The following VAPB variants were observed in gnomAD, a reference collection of about 807,000 sequenced individuals.
VAPB encodes VAMP associated protein B and C.
In VAPB, 7 loss-of-function variants were observed where a neutral mutation model predicts 25.6. The observed-to-expected ratio is 0.27, with a 90% CI of 0.16 to 0.51. The LOEUF (loss-of-function observed/expected upper bound fraction) is 0.51. Ranked by LOEUF, VAPB falls within the 20% of genes least tolerant of loss-of-function variation. The pLI is 0.97. For missense variants in VAPB, 266 were observed against 301.3 expected (o/e 0.88, Z 0.87); for synonymous variants, 112 against 109.2 (o/e 1.03, Z -0.16).
chr20:58,437,597 T>G (rs535858547), intron 3 of VAPB, among the ~76,000 whole-genome samples: 1 of 152,360 alleles, frequency 6.6e-6, no homozygotes, highest in South Asian at 2.1e-4. Flanking sequence ...GTCTTTCACC[T>G]GGTGCTTTTA....
intron 1 of VAPB, among the ~76,000 whole-genome samples, chr20:58,406,385 G>C (rs747122357): frequency 4.6e-5 from 7 of 152,202 alleles, no homozygotes; most frequent in Non-Finnish European, 8.8e-5. Context: ...AAGTCTCACA[G>C]CCTTTCCCCT....
intron 1 of VAPB, among the ~76,000 whole-genome samples, chr20:58,400,519 T>C (rs1327817460): frequency 2.0e-5 from 3 of 152,230 alleles, no homozygotes; most frequent in African/African-American, 7.2e-5. Context: ...GTACGAATTG[T>C]ATGTCACTTT....
At position 58,389,398 on chromosome 20, in the gene VAPB, G is replaced by A. The variant is rs1422260464; in HGVS notation, c.-62G>A. ...AACTTAAAGCGGGCGCAGCATTAACGCTTCCCGCCCCGGTGACCTCTCAGG... is the reference window on the plus strand; with the variant it reads ...AACTTAAAGCGGGCGCAGCATTAACACTTCCCGCCCCGGTGACCTCTCAGG... On this transcript the variant is annotated 5_prime_UTR_variant, in exon 1 of 6. Transcript: ENST00000475243. 1.3e-6 allele frequency: 2 copies of A among 1,510,184 alleles called. No individual in the cohort carries two copies. Among genetic ancestry groups the A allele is most frequent in the East Asian group, 2.5e-5 (1 of 39,704 alleles). The allele number at this position is 1,510,184 out of a possible 1,614,324, so 93.5% of individuals were successfully genotyped here.
rs146459055 is a variant in VAPB at position 58,439,019 on chromosome 20, T to G, written c.390T>G (p.Asp130Glu). 1,166 of 1,612,812 alleles carry G rather than the reference T, an allele frequency of 7.2e-4. 3 individuals carry two copies. Among genetic ancestry groups the G allele is most frequent in the Middle Eastern group, 4.3e-3 (26 of 6,060 alleles). The change falls in exon 4 of 6, where the codon GAT becomes GAG. Residue 130 changes from aspartate (D) to glutamate (E), a missense_variant. By Grantham distance (45) the Asp-to-Glu change is conservative (BLOSUM62 2). Transcript: ENST00000475243. ...TGTTTGAATTGCCAGCAGAGAATGA[T>G]AAACCAGTAAGTATATTTATAGTTA... ...RCVFELPAEN[D>E]KPHDVEINKI... is the part of the protein sequence containing the mutation.
At chr20:58,424,017 T>G (rs1406798667) in intron 2 of VAPB, among the ~76,000 whole-genome samples, 1 of 152,232 alleles carries the variant, frequency 6.6e-6, no homozygotes, top group Non-Finnish European at 1.5e-5. Flanking sequence ...ACTTTTTTTG[T>G]GACTATGACA....
At chr20:58,394,265 G>C in intron 1 of VAPB, among the ~76,000 whole-genome samples, 1 of 152,316 alleles carries the variant, frequency 6.6e-6, no homozygotes, top group Non-Finnish European at 1.5e-5. Context: ...TATGGGAAAA[G>C]TTGGCTTAGA....
intron 1 of VAPB, among the ~76,000 whole-genome samples, chr20:58,399,074 G>A (rs1046320888): frequency 1.3e-5 from 2 of 152,138 alleles, no homozygotes; most frequent in Admixed American, 6.5e-5. Flanking sequence ...TCTGAGGTGG[G>A]TGGATCACCT....
chr20:58,438,570 T>C (rs1317810416), intron 3 of VAPB, among the ~76,000 whole-genome samples: 1 of 152,240 alleles, frequency 6.6e-6, no homozygotes, highest in African/African-American at 2.4e-5. Flanking sequence ...TAAGCCACCA[T>C]GCCCAGCTGA....
At chr20:58,428,061 T>A (rs1031290397) in intron 2 of VAPB, among the ~76,000 whole-genome samples, 1 of 152,278 alleles carries the variant, frequency 6.6e-6, no homozygotes, top group Non-Finnish European at 1.5e-5. Flanking sequence ...TTGCTTGGGT[T>A]CTCAGAAGCA....
Position 58,446,981 on chromosome 20 carries a change from TAA to T in VAPB, c.*2747_*2748del, listed in dbSNP as rs1204653815. The T allele has an allele frequency of 4.4e-6, 2 of 453,914 alleles. No individual in the cohort carries two copies. The highest frequency in any genetic ancestry group is 8.8e-6 in the Non-Finnish European group (2 of 226,790). 28.1% of individuals were successfully genotyped at this position (453,914 alleles called of 1,614,324 possible). ...ACGGCCTGCCCTGCCCCAAGAGGGT[TAA>T]GAGTCAGATAATCGGGACGAAACTG... is the stretch of plus-strand genomic sequence containing the variant. On this transcript the variant is annotated 3_prime_UTR_variant, in exon 6 of 6. Coordinates refer to ENST00000475243, the MANE Select transcript of VAPB (RefSeq NM_004738.5).
At chr20:58,413,332 T>G (rs1343198102) in intron 1 of VAPB, among the ~76,000 whole-genome samples, 2 of 151,706 alleles carry the variant, frequency 1.3e-5, no homozygotes, top group Non-Finnish European at 2.9e-5. Context: ...TACTTGAGAT[T>G]AGGGACTGGT....
At chr20:58,408,277 TATTA>T (rs1988281930) in intron 1 of VAPB, among the ~76,000 whole-genome samples, 1 of 152,212 alleles carries the variant, frequency 6.6e-6, no homozygotes, top group Non-Finnish European at 1.5e-5. Context: ...GAGAATACTT[TATTA>T]ATTTAAAACA....
chr20:58,430,810 A>T (rs1273773031), intron 2 of VAPB, among the ~76,000 whole-genome samples: 1 of 152,138 alleles, frequency 6.6e-6, no homozygotes, highest in Admixed American at 6.5e-5. Context: ...TCTTGACCTC[A>T]GGTGATCCAC....
chr20:58,398,704 C>T (rs1324502674), intron 1 of VAPB, among the ~76,000 whole-genome samples: 1 of 152,224 alleles, frequency 6.6e-6, no homozygotes, highest in Non-Finnish European at 1.5e-5. Flanking sequence ...TGTGCGCTTG[C>T]CATTTTTCTA....
chr20:58,450,810 T>C lies in VAPB; in HGVS notation c.*6575T>C. The C allele has an allele frequency of 2.2e-6, 1 of 454,150 alleles. No homozygotes were observed. The allele number at this position is 454,150 out of a possible 1,614,324, so 28.1% of individuals were successfully genotyped here. ...TCCTTTATGTATTTTTCATTGTATT[T>C]GCTGTTTTGACATGGAAGTAATTTA... On this transcript the variant is annotated 3_prime_UTR_variant, in exon 6 of 6. Transcript: ENST00000475243.
chr20:58,405,843 C>G (rs1017874136), intron 1 of VAPB, among the ~76,000 whole-genome samples: 7 of 150,826 alleles, frequency 4.6e-5, no homozygotes, highest in African/African-American at 1.7e-4. Context: ...TAACCTCCCC[C>G]TCCCAGTTCA....
intron 1 of VAPB, among the ~76,000 whole-genome samples, chr20:58,392,708 C>T (rs936455805): frequency 6.6e-6 from 1 of 152,144 alleles, no homozygotes; most frequent in African/African-American, 2.4e-5. Flanking sequence ...CTAAAATGCC[C>T]ATTCAAAGGA....
At chr20:58,405,726 A>G (rs1988211126) in intron 1 of VAPB, among the ~76,000 whole-genome samples, 1 of 126,798 alleles carries the variant, frequency 7.9e-6, no homozygotes. Flanking sequence ...GTGAGCCATC[A>G]CGCCTGGCCA....
intron 5 of VAPB, among the ~76,000 whole-genome samples, chr20:58,442,202 T>C (rs376719036): frequency 7.9e-5 from 12 of 152,234 alleles, no homozygotes; most frequent in South Asian, 6.2e-4. Context: ...GAGGTAGATA[T>C]AGGAGAACTG....
Sources: gnomAD v4.1 joint callset for allele counts (sites outside exome capture counted in the v4.1 genomes callset) on GRCh38, gnomAD v4.1.1 for gene constraint, MANE v1.5 for transcripts, NCBI Gene and HGNC (gene_info 2026-07-23, HGNC 2026-07-21) for gene names.